Variants in ANGPT1 observed in about 807,000 individuals in gnomAD.
The protein encoded by ANGPT1 is angiopoietin-1.
ANGPT1 carries 17 observed loss-of-function variants against 62.2 expected under a neutral mutation model. The ratio of observed to expected loss-of-function variants is 0.27; its 90% CI spans 0.19 to 0.41. The LOEUF (loss-of-function observed/expected upper bound fraction) is 0.41. ANGPT1 is among the 10% of genes least tolerant of loss of function. The pLI is 1.00. For synonymous variants in ANGPT1, 199 were observed against 198.9 expected, an observed-to-expected ratio of 1.00 and a Z score of 0.00; for missense variants, 478 against 594.9, an observed-to-expected ratio of 0.80 and a Z score of 2.04.
Position 107,284,707 on chromosome 8 carries a change from T to G in ANGPT1, c.1180A>C (p.Ile394Leu). 6.3e-7 allele frequency: 1 copy of G among 1,577,372 alleles called. No individual in the cohort carries two copies. Residue 394 changes from isoleucine to leucine, a missense_variant, in exon 7 of 9, where the codon ATA becomes CTA. Coordinates refer to ENST00000517746, the MANE Select transcript of ANGPT1 (RefSeq NM_001146.5). ...RAYSQYDRFH[I>L]GNEKQNYRLY... is the part of the protein sequence containing the mutation. ...CTATAGTTTTGCTTTTCATTTCCTA[T>G]GTGGAATCTGTCATACTGTGAATAG...
At chr8:107,309,852 G>A (rs1021649861) in intron 4 of ANGPT1, among the ~76,000 whole-genome samples, 2 of 152,132 alleles carry the variant, frequency 1.3e-5, no homozygotes, top group African/African-American at 4.8e-5. Flanking sequence ...ATGTGTGTAT[G>A]TGTGTGAGAC....
At chr8:107,332,386 C>T (rs1487278274) in intron 3 of ANGPT1, among the ~76,000 whole-genome samples, 3 of 152,086 alleles carry the variant, frequency 2.0e-5, no homozygotes, top group African/African-American at 7.2e-5. Context: ...AAACATATTG[C>T]CTAAAGAGAG....
chr8:107,483,138 T>C (rs947185482), intron 1 of ANGPT1, among the ~76,000 whole-genome samples: 1 of 152,202 alleles, frequency 6.6e-6, no homozygotes, highest in African/African-American at 2.4e-5. Flanking sequence ...CATTTCAAAA[T>C]AGTAGGATAC....
intron 1 of ANGPT1, among the ~76,000 whole-genome samples, chr8:107,430,085 T>C (rs1464984094): frequency 6.6e-6 from 1 of 152,208 alleles, no homozygotes; most frequent in Non-Finnish European, 1.5e-5. Flanking sequence ...AAAGAATGTG[T>C]GCTTTTTTTG....
At chr8:107,470,322 C>T (rs990734229) in intron 1 of ANGPT1, among the ~76,000 whole-genome samples, 1 of 151,994 alleles carries the variant, frequency 6.6e-6, no homozygotes. Context: ...GGGCTTGAAA[C>T]AAAGACATTT....
At chr8:107,300,178 T>G (rs901353446) in intron 5 of ANGPT1, among the ~76,000 whole-genome samples, 54 of 148,294 alleles carry the variant, frequency 3.6e-4, no homozygotes, top group African/African-American at 1.3e-3. Context: ...TATCTATATA[T>G]AGAGATATAT....
intron 1 of ANGPT1, among the ~76,000 whole-genome samples, chr8:107,468,092 C>A (rs2130491425): frequency 6.6e-6 from 1 of 152,130 alleles, no homozygotes; most frequent in South Asian, 2.1e-4. Context: ...AGATAATTTC[C>A]TAGAATTATA....
rs539605243 is a variant in ANGPT1 at position 107,496,509 on chromosome 8, G to A, written c.297+753C>T. Among the ~76,000 whole-genome samples the A allele has an allele frequency of 2.0e-3, 305 of 152,300 alleles. 1 individual carries two copies. The highest frequency in any genetic ancestry group is 3.4e-3 in the Middle Eastern group (1 of 294). On this transcript the variant is annotated intron_variant, in intron 1 of 8. Coordinates refer to ENST00000517746, the MANE Select transcript of ANGPT1 (RefSeq NM_001146.5). ...CTCTAACTACAATGCCCTGAGAAGG[G>A]AGGTATTTCAGGAATATAGTAGACT...
chr8:107,355,163 A>G (rs952796551), intron 1 of ANGPT1, among the ~76,000 whole-genome samples: 7 of 151,878 alleles, frequency 4.6e-5, no homozygotes, highest in African/African-American at 1.7e-4. Flanking sequence ...GAGCCTCTCA[A>G]AGTGCTGGGA....
At chr8:107,404,051 C>T (rs528854337) in intron 1 of ANGPT1, among the ~76,000 whole-genome samples, 15 of 152,116 alleles carry the variant, frequency 9.9e-5, no homozygotes, top group Admixed American at 2.6e-4. Flanking sequence ...ATGGATTTCT[C>T]CTCCTGTGAG....
At position 107,450,705 on chromosome 8, in the gene ANGPT1, G is replaced by GGTGTGTGTGTGT. The variant is rs140884696; in HGVS notation, c.297+46545_297+46556dup. ...TGCCAAGAACATTCAAATGGGAATA[G>GGTGTGTGTGTGT]GTGTGTGTGTGTGTGTGTGTGTGTG... On this transcript the variant is annotated intron_variant, in intron 1 of 8. Coordinates refer to ENST00000517746, the MANE Select transcript of ANGPT1 (RefSeq NM_001146.5). Among the ~76,000 whole-genome samples, 131 of 142,390 alleles carry GGTGTGTGTGTGT rather than the reference G, an allele frequency of 9.2e-4. No homozygotes were observed. In the East Asian group the frequency reaches 0.016, roughly 18 times the overall value. 93.4% of individuals were successfully genotyped at this position (142,390 alleles called of 152,430 possible). A position where few individuals can be genotyped will look rare whatever the true frequency, so the allele number is the denominator to read the frequency against.
intron 8 of ANGPT1, among the ~76,000 whole-genome samples, chr8:107,260,788 T>G (rs2514878): frequency 5.9e-5 from 9 of 152,136 alleles, no homozygotes; most frequent in Non-Finnish European, 1.2e-4. Context: ...AAGCAATAAG[T>G]GGAAATATTC....
intron 6 of ANGPT1, among the ~76,000 whole-genome samples, chr8:107,285,119 T>C (rs1445454509): frequency 1.3e-5 from 2 of 152,154 alleles, no homozygotes; most frequent in Non-Finnish European, 2.9e-5. Flanking sequence ...ATCTAGTTAA[T>C]AGGTTTAACT....
intron 1 of ANGPT1, among the ~76,000 whole-genome samples, chr8:107,420,820 T>C (rs1319612649): frequency 6.6e-6 from 1 of 152,154 alleles, no homozygotes; most frequent in African/African-American, 2.4e-5. Context: ...CCTGTTTTTT[T>C]AGCTCTAAAA....
chr8:107,463,309 A>T (rs1225906367), intron 1 of ANGPT1, among the ~76,000 whole-genome samples: 1 of 152,038 alleles, frequency 6.6e-6, no homozygotes, highest in Non-Finnish European at 1.5e-5. Context: ...ACCCCTAACT[A>T]ACACCTTGAT....
intron 1 of ANGPT1, among the ~76,000 whole-genome samples, chr8:107,407,847 T>G (rs746025123): frequency 6.6e-6 from 1 of 152,176 alleles, no homozygotes; most frequent in African/African-American, 2.4e-5. Context: ...ATCTTGCTAG[T>G]TGTTCCAGAG....
Position 107,389,051 on chromosome 8 carries a change from A to T in ANGPT1, c.298-41954T>A, listed in dbSNP as rs531489504. On this transcript the variant is annotated intron_variant, in intron 1 of 8. Transcript: ENST00000517746. ...CTGAGGATTCAGATGGAGCAAATGG[A>T]CCCAATATTTCAATTCTACATCCTT... Among the ~76,000 whole-genome samples, 4 of 152,254 alleles carry T rather than the reference A, an allele frequency of 2.6e-5. No homozygotes were observed. The East Asian group carries it at 7.7e-4, about 29-fold the overall frequency.
intron 1 of ANGPT1, among the ~76,000 whole-genome samples, chr8:107,382,800 A>C (rs759939231): frequency 6.6e-6 from 1 of 152,124 alleles, no homozygotes; most frequent in Non-Finnish European, 1.5e-5. Context: ...AGGAATGGCC[A>C]AGTTGGGAAT....
At chr8:107,294,166 C>T (rs774028302) in intron 5 of ANGPT1, 129 bp from the exon 6 acceptor site, 38 of 581,834 alleles carry the variant, frequency 6.5e-5, no homozygotes, top group Non-Finnish European at 1.0e-4. Context: ...CTATATTGAA[C>T]AATGTTAATT....
Sources: gnomAD v4.1 joint callset for allele counts (sites outside exome capture counted in the v4.1 genomes callset) on GRCh38, gnomAD v4.1.1 for gene constraint, MANE v1.5 for transcripts, NCBI Gene and HGNC (gene_info 2026-07-23, HGNC 2026-07-21) for gene names.